UBE3A: variants seen among roughly 807,000 people sequenced by gnomAD.
The protein encoded by UBE3A is ubiquitin-protein ligase E3A.
UBE3A carries 6 observed loss-of-function variants against 83.4 expected under a neutral mutation model. The ratio of observed to expected loss-of-function variants is 0.07; its 90% CI spans 0.04 to 0.14. UBE3A has a LOEUF of 0.14. Ranked by LOEUF, UBE3A falls within the 10% of genes least tolerant of loss-of-function variation. The pLI, the probability that UBE3A is intolerant of heterozygous loss-of-function variation, is 1.00. For missense variants in UBE3A, 456 were observed against 1,036.1 expected, an observed-to-expected ratio of 0.44 and a Z score of 7.69; for synonymous variants, 337 against 355.4, an observed-to-expected ratio of 0.95 and a Z score of 0.58.
At position 25,411,681 on chromosome 15, in the gene UBE3A, A is replaced by G. The variant is rs139261042; in HGVS notation, c.-101+227T>C. On this transcript the variant is annotated intron_variant, in intron 2 of 12. Transcript: ENST00000648336. ...GCCCAAAATCCAAACCTGCCCTCTC[A>G]ATCTTTTTATGCATATTATTTTACC... Among the ~76,000 whole-genome samples, 489 of 152,256 alleles carry G rather than the reference A, an allele frequency of 3.2e-3. 4 individuals carry two copies. The highest frequency in any genetic ancestry group is 0.011 in the African/African-American group (452 of 41,556).
At chr15:25,430,801 T>C (rs1893232342) in intron 1 of UBE3A, among the ~76,000 whole-genome samples, 1 of 152,174 alleles carries the variant, frequency 6.6e-6, no homozygotes, top group Admixed American at 6.5e-5. Context: ...TTAATATCAG[T>C]TGAGATACGT....
intron 6 of UBE3A, among the ~76,000 whole-genome samples, chr15:25,362,279 T>C (rs2078237646): frequency 6.6e-6 from 1 of 152,218 alleles, no homozygotes; most frequent in Non-Finnish European, 1.5e-5. Context: ...ATAATGTCTG[T>C]TGTTGTTCAA....
At chr15:25,345,826 A>C (rs1336307044) in intron 11 of UBE3A, 1 of 152,190 alleles carries the variant, frequency 6.6e-6, no homozygotes, top group Non-Finnish European at 1.5e-5. Context: ...GACATGACAC[A>C]ACTAAGGAGT....
chr15:25,414,769 C>T (rs1319247005), intron 1 of UBE3A, among the ~76,000 whole-genome samples: 2 of 152,180 alleles, frequency 1.3e-5, no homozygotes, highest in African/African-American at 2.4e-5. Context: ...CATTATTCCC[C>T]AGTCTTTTTT....
In UBE3A at chr15:25,409,114, A is replaced by C; in HGVS notation, c.-7T>G. On this transcript the variant is annotated 5_prime_UTR_variant, in exon 3 of 13. Coordinates refer to ENST00000648336, the MANE Select transcript of UBE3A (RefSeq NM_130839.5). ...TTTTACAAGCTGTGGCCATTCGGTG[A>C]CATCAGGGTGATCACAGCTTTGAGT... The C allele has an allele frequency of 6.3e-7, 1 of 1,595,718 alleles. No homozygotes were observed. Among genetic ancestry groups the C allele is most frequent in the African/African-American group, 1.3e-5 (1 of 74,874 alleles).
intron 4 of UBE3A, among the ~76,000 whole-genome samples, chr15:25,397,484 A>T (rs1361566851): frequency 6.6e-6 from 1 of 152,148 alleles, no homozygotes. Context: ...GGCTTTCTGA[A>T]GACCCATAGG....
At chr15:25,340,607 C>G (rs1191035829) in intron 11 of UBE3A, among the ~76,000 whole-genome samples, 1 of 152,034 alleles carries the variant, frequency 6.6e-6, no homozygotes, top group Non-Finnish European at 1.5e-5. Context: ...AAAATTAACT[C>G]CAGGTGCCTT....
chr15:25,398,960 CTCA>C (rs1055347156), intron 4 of UBE3A, among the ~76,000 whole-genome samples: 4 of 151,110 alleles, frequency 2.6e-5, no homozygotes, highest in African/African-American at 9.7e-5. Flanking sequence ...TCTGCAAATC[CTCA>C]TCATACTTTA....
chr15:25,348,026 C>T (rs1335922347), intron 11 of UBE3A, among the ~76,000 whole-genome samples: 1 of 151,746 alleles, frequency 6.6e-6, no homozygotes, highest in Admixed American at 6.6e-5. Context: ...AAAGACAGAT[C>T]ATGCAAACAT....
chr15:25,381,256 G>A (rs529009428), intron 4 of UBE3A, among the ~76,000 whole-genome samples: 6 of 152,194 alleles, frequency 3.9e-5, no homozygotes, highest in Middle Eastern at 3.4e-3. Context: ...CTGTCTTTCC[G>A]TGTCTGGCTT....
intron 11 of UBE3A, among the ~76,000 whole-genome samples, chr15:25,340,519 T>C (rs575926725): frequency 4.7e-4 from 72 of 152,298 alleles, no homozygotes; most frequent in Non-Finnish European, 8.8e-4. Context: ...TAAACTATGG[T>C]ATAATCACAT....
intron 1 of UBE3A, among the ~76,000 whole-genome samples, chr15:25,435,186 T>C (rs1225588144): frequency 1.4e-5 from 2 of 143,942 alleles, no homozygotes; most frequent in Admixed American, 7.1e-5. Flanking sequence ...TGCTCTTAGA[T>C]TGGAAGGGCA....
chr15:25,425,181 A>G (rs1265362599), intron 1 of UBE3A, among the ~76,000 whole-genome samples: 3 of 152,290 alleles, frequency 2.0e-5, no homozygotes, highest in Middle Eastern at 6.8e-3. Flanking sequence ...CCTTGAAAAT[A>G]CCATGGTAAG....
At chr15:25,367,270 TA>T (rs916786479) in intron 6 of UBE3A, among the ~76,000 whole-genome samples, 15 of 131,102 alleles carry the variant, frequency 1.1e-4, no homozygotes, top group Admixed American at 1.1e-3. Flanking sequence ...AATATGTAAA[TA>T]TTTACATATT....
intron 1 of UBE3A, among the ~76,000 whole-genome samples, chr15:25,436,516 G>GT (rs1895131940): frequency 6.6e-6 from 1 of 152,176 alleles, no homozygotes; most frequent in South Asian, 2.1e-4. Flanking sequence ...GAGAAACAGT[G>GT]TATTATCACA....
intron 8 of UBE3A, among the ~76,000 whole-genome samples, 166 bp downstream of exon 8, chr15:25,356,525 T>G (rs2077236333): frequency 6.6e-6 from 1 of 152,166 alleles, no homozygotes; most frequent in South Asian, 2.1e-4. Context: ...CCCCTTTGAG[T>G]TTTTAAGTGT....
In UBE3A at chr15:25,371,021, C is replaced by A. The variant is rs763388142; in HGVS notation, c.1153G>T (p.Val385Leu). 1 of 1,614,074 alleles carries A rather than the reference C, an allele frequency of 6.2e-7. No individual in the cohort carries two copies. The highest frequency in any genetic ancestry group is 1.7e-5 in the Admixed American group (1 of 60,012). Residue 385 changes from valine (V) to leucine (L), a missense_variant, in exon 6 of 13, where the codon GTG (valine) becomes TTG (leucine). Val to Leu is a conservative substitution (Grantham distance 32, BLOSUM62 1). Transcript: ENST00000648336. This position sits in a 1 kb window ranked among gnomAD's most constrained non-coding sequence, Gnocchi z 5.3. ...TCTTCTTCATTGTGATTTGTGTCCA[C>A]TTCCCCTCCCACTACATTTGCATAG... ...VYYANVVGGE[V>L]DTNHNEEDDE...
chr15:25,345,853 A>G (rs76925282), intron 11 of UBE3A: 2 of 152,314 alleles, frequency 1.3e-5, no homozygotes, highest in Non-Finnish European at 2.9e-5. Flanking sequence ...AAATGCAAGG[A>G]AAAAAATCCC....
chr15:25,353,890 G>C (rs11855196), intron 11 of UBE3A: 1 of 185,352 alleles, frequency 5.4e-6, no homozygotes, highest in Admixed American at 5.4e-5. Context: ...TAGTTTTTTA[G>C]GGTGTAAAAT....
Sources: gnomAD v4.1 joint callset for allele counts (sites outside exome capture counted in the v4.1 genomes callset) on GRCh38, gnomAD v4.1.1 for gene constraint, Gnocchi (gnomAD v3.1) non-coding constraint, MANE v1.5 for transcripts, NCBI Gene and HGNC (gene_info 2026-07-23, HGNC 2026-07-21) for gene names.